The following DENND1B variants were observed in gnomAD, a reference collection of about 807,000 sequenced individuals.
DENND1B encodes the protein DENN domain-containing protein 1B.
Under a neutral mutation model 90.1 loss-of-function variants are expected in DENND1B, and 59 were observed. The ratio of observed to expected loss-of-function variants is 0.65; its 90% CI spans 0.53 to 0.81. The LOEUF (loss-of-function observed/expected upper bound fraction) is 0.81. Ranked by LOEUF, DENND1B falls within the 40% of genes least tolerant of loss-of-function variation. The pLI is 0.00. For missense variants in DENND1B, 862 were observed against 912.6 expected (o/e 0.94, Z 0.71); for synonymous variants, 337 against 324.6 (o/e 1.04, Z -0.41).
At chr1:197,551,179 T>C (rs1468856589) in intron 16 of DENND1B, among the ~76,000 whole-genome samples, 1 of 151,996 alleles carries the variant, frequency 6.6e-6, no homozygotes, top group Non-Finnish European at 1.5e-5. Flanking sequence ...GTATAAGTCA[T>C]CTTTTTATTT....
At chr1:197,664,737 G>A (rs1332713753) in intron 5 of DENND1B, among the ~76,000 whole-genome samples, 1 of 152,054 alleles carries the variant, frequency 6.6e-6, no homozygotes, top group Non-Finnish European at 1.5e-5. Flanking sequence ...CTAATGTCTA[G>A]AGGCTGTTTT....
intron 13 of DENND1B, among the ~76,000 whole-genome samples, chr1:197,600,686 A>G (rs572268252): frequency 6.6e-6 from 1 of 151,806 alleles, no homozygotes; most frequent in Admixed American, 6.6e-5. Context: ...ACCAAACAGT[A>G]TAAAGGATAA....
At chr1:197,754,676 A>AAAAAAAAC (rs1654040167) in intron 2 of DENND1B, among the ~76,000 whole-genome samples, 2 of 151,332 alleles carry the variant, frequency 1.3e-5, no homozygotes, top group African/African-American at 4.9e-5. Context: ...AAAAAAAAAA[A>AAAAAAAAC]AAAAAAAAAA....
intron 10 of DENND1B, among the ~76,000 whole-genome samples, chr1:197,626,399 G>C (rs569584120): frequency 1.3e-5 from 2 of 152,212 alleles, no homozygotes; most frequent in South Asian, 2.1e-4. Flanking sequence ...CATGGAAACT[G>C]AACAACCTGC....
chr1:197,744,343 T>A (rs955592341), intron 2 of DENND1B, among the ~76,000 whole-genome samples: 1 of 152,208 alleles, frequency 6.6e-6, no homozygotes, highest in African/African-American at 2.4e-5. Flanking sequence ...TTAGACTTAA[T>A]GATATAAAAC....
intron 13 of DENND1B, among the ~76,000 whole-genome samples, chr1:197,598,814 T>C (rs999758877): frequency 6.6e-6 from 1 of 151,908 alleles, no homozygotes; most frequent in Non-Finnish European, 1.5e-5. Flanking sequence ...GACATTTTAT[T>C]GTATTGTCTT....
intron 3 of DENND1B, among the ~76,000 whole-genome samples, chr1:197,701,350 T>C (rs939277458): frequency 2.0e-5 from 3 of 152,120 alleles, no homozygotes; most frequent in South Asian, 2.1e-4. Flanking sequence ...AACACCGTAT[T>C]TTCTCACTTA....
At chr1:197,659,033 T>C (rs1321870381) in intron 5 of DENND1B, among the ~76,000 whole-genome samples, 1 of 151,036 alleles carries the variant, frequency 6.6e-6, no homozygotes. Flanking sequence ...AAAATTAAAA[T>C]AGTATATTTT....
intron 11 of DENND1B, among the ~76,000 whole-genome samples, chr1:197,612,247 T>A (rs1048895832): frequency 9.6e-4 from 144 of 150,758 alleles, no homozygotes; most frequent in African/African-American, 3.4e-3. Context: ...GTTTGTTTGT[T>A]GGTTTGTTTT....
At chr1:197,569,231 T>A (rs771548783) in intron 15 of DENND1B, among the ~76,000 whole-genome samples, 1 of 152,100 alleles carries the variant, frequency 6.6e-6, no homozygotes, top group Non-Finnish European at 1.5e-5. Flanking sequence ...TGAGACATCA[T>A]GTCATACCTG....
intron 10 of DENND1B, among the ~76,000 whole-genome samples, chr1:197,633,612 T>C (rs1052077593): frequency 4.5e-4 from 69 of 152,152 alleles, no homozygotes; most frequent in Admixed American, 1.5e-3. Context: ...CAGGCTCCTA[T>C]GCAGTGGGCA....
chr1:197,734,519 A>G (rs1462045001), intron 2 of DENND1B: 1 of 973,360 alleles, frequency 1.0e-6, no homozygotes. Flanking sequence ...AAATCTAAAA[A>G]GGAATACACA....
At chr1:197,655,376 A>G (rs1180793371) in intron 6 of DENND1B, among the ~76,000 whole-genome samples, 1 of 152,210 alleles carries the variant, frequency 6.6e-6, no homozygotes, top group Non-Finnish European at 1.5e-5. Flanking sequence ...ATTCTCAATT[A>G]TTACTTTAGT....
chr1:197,617,128 G>C (rs1324050236), intron 11 of DENND1B, among the ~76,000 whole-genome samples: 1 of 151,014 alleles, frequency 6.6e-6, no homozygotes, highest in Non-Finnish European at 1.5e-5. Context: ...GGTGGATCAA[G>C]GCTGAGACTT....
chr1:197,642,252 A>C (rs1396832611), intron 10 of DENND1B, among the ~76,000 whole-genome samples: 3 of 152,156 alleles, frequency 2.0e-5, no homozygotes, highest in Non-Finnish European at 4.4e-5. Flanking sequence ...GCTGCTCTAA[A>C]TCAAACTATT....
At chr1:197,707,126 G>C (rs1051540061) in intron 3 of DENND1B, among the ~76,000 whole-genome samples, 1 of 152,164 alleles carries the variant, frequency 6.6e-6, no homozygotes, top group African/African-American at 2.4e-5. Context: ...AGATGGGCTT[G>C]GAGGATATTA....
At chr1:197,579,632 T>C (rs1674016299) in intron 15 of DENND1B, among the ~76,000 whole-genome samples, 3 of 152,170 alleles carry the variant, frequency 2.0e-5, no homozygotes, top group Non-Finnish European at 4.4e-5. Flanking sequence ...TGTCCTCACC[T>C]ATTAGAACTG....
At chr1:197,662,279 A>G (rs916050003) in intron 5 of DENND1B, among the ~76,000 whole-genome samples, 26 of 152,112 alleles carry the variant, frequency 1.7e-4, no homozygotes, top group Admixed American at 1.7e-3. Context: ...TAAGAATCAT[A>G]GAATTTATGT....
At chr1:197,612,904 A>G (rs1677306133) in intron 11 of DENND1B, among the ~76,000 whole-genome samples, 2 of 150,840 alleles carry the variant, frequency 1.3e-5, no homozygotes, top group African/African-American at 2.4e-5. Flanking sequence ...AAAATTATTC[A>G]ACTTGACATT....
Sources: gnomAD v4.1 joint callset for allele counts (sites outside exome capture counted in the v4.1 genomes callset) on GRCh38, gnomAD v4.1.1 for gene constraint, MANE v1.5 for transcripts, NCBI Gene and HGNC (gene_info 2026-07-23, HGNC 2026-07-21) for gene names.